The following QTMAN variants were observed in gnomAD, a reference collection of about 807,000 sequenced individuals.
The protein encoded by QTMAN is queuosine-tRNA mannosyltransferase, also known as tRNA-queuosine alpha-mannosyltransferase.
At chr2:144,096,553 T>C in the QTMAN span, among the ~76,000 whole-genome samples, 2 of 152,246 alleles carry the variant, frequency 1.3e-5, no homozygotes, top group African/African-American at 4.8e-5. Flanking sequence ...AGAATTATAG[T>C]GTCATGTGTA....
the QTMAN span, among the ~76,000 whole-genome samples, chr2:144,022,481 C>T: frequency 1.3e-5 from 2 of 150,734 alleles, no homozygotes; most frequent in Admixed American, 1.3e-4. Context: ...TTTCTTTCTC[C>T]ATTTTGCTAC....
At chr2:144,045,627 G>A in the QTMAN span, among the ~76,000 whole-genome samples, 7 of 152,330 alleles carry the variant, frequency 4.6e-5, no homozygotes, top group African/African-American at 1.7e-4. Flanking sequence ...GGCAGGCAGG[G>A]AGGGACTACC....
chr2:144,112,621 C>A, the QTMAN span, among the ~76,000 whole-genome samples: 1 of 152,230 alleles, frequency 6.6e-6, no homozygotes, highest in African/African-American at 2.4e-5. Context: ...GCGAAAACCA[C>A]GCCCTAACCC....
the QTMAN span, among the ~76,000 whole-genome samples, chr2:144,095,909 C>T: frequency 2.0e-5 from 3 of 152,094 alleles, no homozygotes; most frequent in African/African-American, 7.2e-5. Flanking sequence ...GTTACATACA[C>T]AAGTTTCAGA....
At chr2:144,223,861 G>A in the QTMAN span, among the ~76,000 whole-genome samples, 3 of 152,114 alleles carry the variant, frequency 2.0e-5, no homozygotes, top group Admixed American at 2.0e-4. Context: ...TGATACTTTT[G>A]TCAAAAATCA....
the QTMAN span, among the ~76,000 whole-genome samples, chr2:144,038,920 C>A: frequency 3.9e-5 from 6 of 152,108 alleles, no homozygotes; most frequent in African/African-American, 1.4e-4. Context: ...TCAGAAAAAA[C>A]ATCCTTTTTG....
At chr2:144,284,405 A>G in the QTMAN span, among the ~76,000 whole-genome samples, 1 of 152,132 alleles carries the variant, frequency 6.6e-6, no homozygotes, top group African/African-American at 2.4e-5. Flanking sequence ...GTGAGAAATT[A>G]TTATGATAAT....
At chr2:144,293,369 A>G in the QTMAN span, among the ~76,000 whole-genome samples, 1 of 152,238 alleles carries the variant, frequency 6.6e-6, no homozygotes, top group Non-Finnish European at 1.5e-5. Context: ...GAAAAGCTCT[A>G]AGAGAAAAAT....
the QTMAN span, among the ~76,000 whole-genome samples, chr2:144,197,363 A>G: frequency 6.6e-6 from 1 of 151,942 alleles, no homozygotes; most frequent in African/African-American, 2.4e-5. Flanking sequence ...GTATATGTAT[A>G]TATGTAATTG....
chr2:144,240,414 G>A, the QTMAN span, among the ~76,000 whole-genome samples: 113 of 151,952 alleles, frequency 7.4e-4, no homozygotes, highest in African/African-American at 2.5e-3. Context: ...ATTAATCTAC[G>A]ACATTTTTAC....
the QTMAN span, among the ~76,000 whole-genome samples, chr2:144,111,275 C>G: frequency 6.6e-6 from 1 of 152,132 alleles, no homozygotes; most frequent in Non-Finnish European, 1.5e-5. Context: ...ATGAGAAGCC[C>G]TGGCTATAAC....
the QTMAN span, among the ~76,000 whole-genome samples, chr2:143,974,325 A>G: frequency 6.6e-6 from 1 of 152,214 alleles, no homozygotes; most frequent in Non-Finnish European, 1.5e-5. Flanking sequence ...CTTTTACCCA[A>G]GTATTGCAAT....
chr2:144,221,564 C>T, the QTMAN span, among the ~76,000 whole-genome samples: 2 of 152,096 alleles, frequency 1.3e-5, no homozygotes, highest in African/African-American at 4.8e-5. Context: ...TTTTGTTTTC[C>T]TCTTTGTGCT....
chr2:144,018,927 C>T, the QTMAN span, among the ~76,000 whole-genome samples: 10 of 152,246 alleles, frequency 6.6e-5, no homozygotes, highest in African/African-American at 2.2e-4. Context: ...ATGATAACTA[C>T]AAGTTAGCCA....
At chr2:144,140,385 C>A in the QTMAN span, among the ~76,000 whole-genome samples, 1 of 151,838 alleles carries the variant, frequency 6.6e-6, no homozygotes, top group African/African-American at 2.4e-5. Flanking sequence ...CATCTACTCA[C>A]TTAGAGATAT....
the QTMAN span, among the ~76,000 whole-genome samples, chr2:144,088,707 A>G: frequency 2.0e-5 from 3 of 152,088 alleles, no homozygotes; most frequent in Non-Finnish European, 4.4e-5. Flanking sequence ...GCTGACAAGA[A>G]CTTACATTGG....
the QTMAN span, among the ~76,000 whole-genome samples, chr2:144,057,001 G>C: frequency 2.0e-5 from 3 of 152,088 alleles, no homozygotes; most frequent in Non-Finnish European, 4.4e-5. Context: ...CTTCCATTTG[G>C]AGATCCATCC....
chr2:144,254,716 G>A, the QTMAN span, among the ~76,000 whole-genome samples: 1 of 152,160 alleles, frequency 6.6e-6, no homozygotes, highest in South Asian at 2.1e-4. Context: ...ACCTAGAAAA[G>A]CCACAGACAC....
At chr2:144,320,554 G>C in the QTMAN span, among the ~76,000 whole-genome samples, 4 of 152,170 alleles carry the variant, frequency 2.6e-5, no homozygotes, top group Non-Finnish European at 1.5e-5. Flanking sequence ...AAGAGGACAA[G>C]GAGCTCACCT....
Sources: gnomAD v4.1 joint callset for allele counts (sites outside exome capture counted in the v4.1 genomes callset) on GRCh38, gnomAD v4.1.1 for gene constraint, MANE v1.5 for transcripts, NCBI Gene and HGNC (gene_info 2026-07-23, HGNC 2026-07-21) for gene names.